Variants in TRIM2 observed in about 807,000 individuals in gnomAD.
TRIM2 encodes tripartite motif-containing protein 2.
TRIM2 carries 20 observed loss-of-function variants against 75.2 expected under a neutral mutation model. The observed-to-expected ratio is 0.27, with a 90% confidence interval of 0.19 to 0.39. TRIM2 has a LOEUF of 0.39. Among genes scored for constraint, TRIM2 ranks in the 10% least tolerant of loss-of-function variants. The pLI is 1.00. For missense variants in TRIM2, 660 were observed against 990.8 expected, an observed-to-expected ratio of 0.67 and a Z score of 4.48; for synonymous variants, 373 against 388.3, an observed-to-expected ratio of 0.96 and a Z score of 0.46.
rs1362079174 is a variant in TRIM2, at chr4:153,327,920, A to G, written c.2023-610A>G. ...GGATCATATAAACTCTCGAACTAAA[A>G]TATCTTCTGAGGGTAAATAAAAAAG... On this transcript the variant is annotated intron_variant, in intron 10 of 11. Transcript: ENST00000338700. Among the ~76,000 whole-genome samples the G allele has an allele frequency of 2.6e-5, 4 of 152,190 alleles. No homozygotes were observed. The East Asian group carries it at 7.7e-4, about 29-fold the overall frequency.
chr4:153,319,583 A>G (rs112337040), intron 8 of TRIM2, among the ~76,000 whole-genome samples: 1 of 152,010 alleles, frequency 6.6e-6, no homozygotes, highest in Non-Finnish European at 1.5e-5. Context: ...ACAAAAAATT[A>G]TCTGGGCATG....
chr4:153,280,691 C>CTT (rs11370926), intron 3 of TRIM2, among the ~76,000 whole-genome samples: 46 of 148,222 alleles, frequency 3.1e-4, no homozygotes, highest in Admixed American at 1.4e-3. Context: ...CCAGCAAATT[C>CTT]TTTTTTTTTT....
intron 1 of TRIM2, among the ~76,000 whole-genome samples, chr4:153,244,437 T>TTTCTTCTTCTTCTTC: frequency 9.7e-6 from 1 of 102,594 alleles, no homozygotes; most frequent in South Asian, 2.9e-4. Context: ...TTCTTCTTCT[T>TTTCTTCTTCTTCTTC]TTAATTAGAG....
intron 3 of TRIM2, among the ~76,000 whole-genome samples, chr4:153,279,194 C>T (rs369269406): frequency 4.8e-4 from 73 of 152,188 alleles, no homozygotes; most frequent in African/African-American, 1.6e-3. Context: ...GGGAAGACAG[C>T]GTGAATTTCA....
chr4:153,285,751 A>ATGTGTGCG (rs1235445784), intron 3 of TRIM2, among the ~76,000 whole-genome samples: 12 of 142,378 alleles, frequency 8.4e-5, no homozygotes, highest in African/African-American at 3.4e-4. Flanking sequence ...AATTGTGTGA[A>ATGTGTGCG]TGTGTGTGCG....
Position 153,293,110 on chromosome 4 carries a change from C to A in TRIM2, c.582C>A (p.Val194=), listed in dbSNP as rs1266706328. 2 of 1,609,968 alleles carry A rather than the reference C, an allele frequency of 1.2e-6. No homozygotes were observed. Among genetic ancestry groups the A allele is most frequent in the Non-Finnish European group, 1.7e-6 (2 of 1,176,934 alleles). ...VVEQHKASLQ[V]QLDAVNKRLP... is the part of the protein sequence containing the mutation. Reference sequence around the variant, plus strand: ...AACAGCACAAGGCCTCGCTCCAGGTCCAGCTGGATGCTGTCAACAAAAGGT... The same window carrying A: ...AACAGCACAAGGCCTCGCTCCAGGTACAGCTGGATGCTGTCAACAAAAGGT... The change falls in exon 4 of 12, where the codon GTC becomes GTA. Residue 194 remains valine (V), a synonymous_variant. Transcript: ENST00000338700.
chr4:153,254,425 A>G (rs926462219), intron 1 of TRIM2, among the ~76,000 whole-genome samples: 1 of 152,192 alleles, frequency 6.6e-6, no homozygotes, highest in Non-Finnish European at 1.5e-5. Context: ...CAGTGGGGAG[A>G]GGCAAGACAG....
At chr4:153,245,420 G>A (rs1401092316) in intron 1 of TRIM2, among the ~76,000 whole-genome samples, 1 of 152,242 alleles carries the variant, frequency 6.6e-6, no homozygotes, top group Non-Finnish European at 1.5e-5. Context: ...TCTACTAAAG[G>A]TGTGTCAGCC....
At chr4:153,198,556 G>A (rs953626664) in intron 1 of TRIM2, among the ~76,000 whole-genome samples, 5 of 152,176 alleles carry the variant, frequency 3.3e-5, no homozygotes, top group Middle Eastern at 3.4e-3. Flanking sequence ...TATCAGCAGC[G>A]TAAAAACGGA....
At chr4:153,287,229 C>A (rs1425193286) in intron 3 of TRIM2, among the ~76,000 whole-genome samples, 1 of 152,180 alleles carries the variant, frequency 6.6e-6, no homozygotes, top group African/African-American at 2.4e-5. Context: ...ATCCTCCTGC[C>A]TCTGTCTCCC....
chr4:153,249,819 C>T (rs1048855089), intron 1 of TRIM2, among the ~76,000 whole-genome samples: 2 of 152,186 alleles, frequency 1.3e-5, no homozygotes, highest in Admixed American at 6.5e-5. Context: ...TGGAGCTCTG[C>T]TTAAGAGAAA....
intron 6 of TRIM2, among the ~76,000 whole-genome samples, chr4:153,313,017 T>C (rs17278400): frequency 0.24 from 35,908 of 152,058 alleles, 5,074 homozygotes; most frequent in South Asian, 0.38. Flanking sequence ...CAGAAATATA[T>C]AAGCAACGTT....
At chr4:153,325,310 T>C (rs981681846) in intron 10 of TRIM2, among the ~76,000 whole-genome samples, 2 of 152,088 alleles carry the variant, frequency 1.3e-5, no homozygotes, top group African/African-American at 4.8e-5. Context: ...GTGCCCACCG[T>C]TGCTTTTTTC....
chr4:153,307,976 A>G (rs1765398556), intron 6 of TRIM2: 1 of 758,582 alleles, frequency 1.3e-6, no homozygotes. Context: ...GCTTGTTCTG[A>G]ATACACTGGA....
chr4:153,294,281 C>T (rs201170925), intron 4 of TRIM2, 24 bp from the exon 5 acceptor site: 165 of 1,606,930 alleles, frequency 1.0e-4, no homozygotes, highest in African/African-American at 1.7e-4. Context: ...GGTTAAATAA[C>T]GACCTTTAAC....
intron 1 of TRIM2, among the ~76,000 whole-genome samples, chr4:153,211,753 G>T (rs1168983501): frequency 6.6e-6 from 1 of 151,920 alleles, no homozygotes; most frequent in African/African-American, 2.4e-5. Flanking sequence ...GCCTCCCAAA[G>T]TGCGGGATTA....
At chr4:153,283,782 G>A (rs1579322506) in intron 3 of TRIM2, among the ~76,000 whole-genome samples, 1 of 150,988 alleles carries the variant, frequency 6.6e-6, no homozygotes, top group Admixed American at 6.6e-5. Flanking sequence ...GACTACAGGT[G>A]CATGCCACCA....
At chr4:153,313,080 G>A (rs115383696) in intron 6 of TRIM2, among the ~76,000 whole-genome samples, 119 of 152,254 alleles carry the variant, frequency 7.8e-4, no homozygotes, top group African/African-American at 2.8e-3. Flanking sequence ...GTGGGAAACA[G>A]ACTCAAGCTC....
chr4:153,335,816 G>A lies in TRIM2; in HGVS notation c.*850G>A, dbSNP rs1402321099. ...TGTTTTATGTACCATGTTTTCACAC[G>A]TGTCTCTTCTCTTCGACTTCCTGAA... is the stretch of plus-strand genomic sequence containing the variant. On this transcript the variant is annotated 3_prime_UTR_variant, in exon 12 of 12. Coordinates refer to ENST00000338700, the MANE Select transcript of TRIM2 (RefSeq NM_015271.5). 3.0e-5 allele frequency: 30 copies of A among 985,658 alleles called. No individual in the cohort carries two copies. Among genetic ancestry groups the A allele is most frequent in the South Asian group, 2.4e-4 (5 of 21,276 alleles). 61.1% of individuals were successfully genotyped at this position (985,658 alleles called of 1,614,324 possible). A position where few individuals can be genotyped will look rare whatever the true frequency, so the allele number is the denominator to read the frequency against.
Sources: allele counts gnomAD v4.1 joint callset (sites outside exome capture counted in the v4.1 genomes callset), GRCh38; gene constraint gnomAD v4.1.1; transcripts MANE v1.5; gene names NCBI Gene and HGNC (gene_info 2026-07-23, HGNC 2026-07-21).